Variants in SRD5A2 observed in about 807,000 individuals in gnomAD.
The protein encoded by SRD5A2 is steroid 5 alpha-reductase 2, also known as 3-oxo-5-alpha-steroid 4-dehydrogenase 2.
A neutral mutation model predicts 27.4 loss-of-function variants in SRD5A2; 30 were observed. That is an observed-to-expected ratio of 1.10 (90% confidence interval 0.82 to 1.49). The LOEUF (loss-of-function observed/expected upper bound fraction) is 1.49, where lower values mean the gene tolerates loss of function less well. Ranked by LOEUF, SRD5A2 falls within the 40% of genes most tolerant of loss-of-function variation. The pLI, the probability that SRD5A2 is intolerant of heterozygous loss-of-function variation, is 0.00. For missense variants in SRD5A2, 348 were observed against 323.4 expected, an observed-to-expected ratio of 1.08 and a Z score of -0.58; for synonymous variants, 141 against 133.6, an observed-to-expected ratio of 1.06 and a Z score of -0.38.
At chr2:31,625,459 G>T in the SRD5A2 span, among the ~76,000 whole-genome samples, 1 of 152,172 alleles carries the variant, frequency 6.6e-6, no homozygotes, top group Non-Finnish European at 1.5e-5. Flanking sequence ...GAATGGTATT[G>T]CCTAGGTTTT....
At chr2:31,614,485 G>A in the SRD5A2 span, among the ~76,000 whole-genome samples, 4 of 152,230 alleles carry the variant, frequency 2.6e-5, no homozygotes, top group Non-Finnish European at 4.4e-5. Context: ...TCACAGGCTG[G>A]CATTGAGTGT....
intron 2 of SRD5A2, among the ~76,000 whole-genome samples, chr2:31,533,036 T>C (rs1172842355): frequency 6.6e-6 from 1 of 152,172 alleles, no homozygotes; most frequent in Non-Finnish European, 1.5e-5. Flanking sequence ...CACAAATTCG[T>C]ACACTTTCTT....
At chr2:31,648,236 A>C in the SRD5A2 span, among the ~76,000 whole-genome samples, 1 of 152,216 alleles carries the variant, frequency 6.6e-6, no homozygotes, top group East Asian at 1.9e-4. Context: ...AAAATGCCAA[A>C]ATTTCAAAAG....
In SRD5A2 at chr2:31,561,797, A is replaced by T. The variant is rs183059139; in HGVS notation, c.281+18823T>A. 6.5e-3 allele frequency among the ~76,000 whole-genome samples: 992 copies of T among 152,272 alleles called. 14 individuals are homozygous for T. The highest frequency in any genetic ancestry group is 0.022 in the African/African-American group (931 of 41,540). On this transcript the variant is annotated intron_variant, in intron 1 of 4. Coordinates refer to ENST00000622030, the MANE Select transcript of SRD5A2 (RefSeq NM_000348.4). Reference sequence around the variant, plus strand: ...TGCTACTGACCACTGGCTCCATTTTAAAAAAATTTTTAATACCCCAGAAGA... The same window carrying T: ...TGCTACTGACCACTGGCTCCATTTTTAAAAAATTTTTAATACCCCAGAAGA...
In SRD5A2 at chr2:31,522,634, C is replaced by T. The variant is rs1384492303; in HGVS notation, c.*3562G>A. 4.6e-6 allele frequency: 1 copy of T among 217,226 alleles called. No individual in the cohort carries two copies. The highest frequency in any genetic ancestry group is 6.8e-5 in the East Asian group (1 of 14,678). 13.5% of individuals were successfully genotyped at this position (217,226 alleles called of 1,614,324 possible). ...GTACAAAGAATAAACAAATGTCTTACTTAGAAATTAAATCCACTCGATGGC... is the reference window on the plus strand; with the variant it reads ...GTACAAAGAATAAACAAATGTCTTATTTAGAAATTAAATCCACTCGATGGC... On this transcript the variant is annotated 3_prime_UTR_variant, in exon 5 of 5. Coordinates refer to ENST00000622030, the MANE Select transcript of SRD5A2 (RefSeq NM_000348.4).
At chr2:31,642,217 T>C in the SRD5A2 span, among the ~76,000 whole-genome samples, 1 of 152,088 alleles carries the variant, frequency 6.6e-6, no homozygotes, top group East Asian at 1.9e-4. Flanking sequence ...TTTTTACCTA[T>C]AATTCACAGC....
chr2:31,631,342 T>C, the SRD5A2 span, among the ~76,000 whole-genome samples: 9 of 152,188 alleles, frequency 5.9e-5, no homozygotes, highest in South Asian at 1.7e-3. Flanking sequence ...GCATAACTAA[T>C]CCGATAAGCA....
chr2:31,553,869 G>A (rs1666432197), intron 1 of SRD5A2, among the ~76,000 whole-genome samples: 1 of 152,144 alleles, frequency 6.6e-6, no homozygotes, highest in African/African-American at 2.4e-5. Context: ...AGCTCCCTGT[G>A]GCTGCTGTAA....
chr2:31,577,114 A>G (rs1164849553), intron 1 of SRD5A2, among the ~76,000 whole-genome samples: 1 of 69,308 alleles, frequency 1.4e-5, no homozygotes, highest in African/African-American at 5.9e-5. Context: ...AACCTGCACA[A>G]TGTGCACATG....
At chr2:31,604,074 A>T in the SRD5A2 span, among the ~76,000 whole-genome samples, 1 of 151,838 alleles carries the variant, frequency 6.6e-6, no homozygotes, top group Non-Finnish European at 1.5e-5. Context: ...ATTTTTAAAA[A>T]GTCAATGTTT....
intron 4 of SRD5A2, among the ~76,000 whole-genome samples, chr2:31,528,534 G>A (rs1013224308): frequency 1.3e-5 from 2 of 152,168 alleles, no homozygotes; most frequent in Non-Finnish European, 2.9e-5. Context: ...TTGGGAGGCC[G>A]AGGCAGGCAG....
the SRD5A2 span, among the ~76,000 whole-genome samples, chr2:31,635,442 G>A: frequency 6.6e-6 from 1 of 151,714 alleles, no homozygotes; most frequent in Non-Finnish European, 1.5e-5. Context: ...ATATATTCTT[G>A]TTATTAATCC....
chr2:31,629,456 C>T, the SRD5A2 span, among the ~76,000 whole-genome samples: 16 of 152,128 alleles, frequency 1.1e-4, no homozygotes, highest in Admixed American at 7.2e-4. Flanking sequence ...TCCTATCCTT[C>T]CTTAGAATTG....
the SRD5A2 span, among the ~76,000 whole-genome samples, chr2:31,630,840 C>G: frequency 2.0e-5 from 3 of 152,138 alleles, no homozygotes; most frequent in African/African-American, 7.2e-5. Flanking sequence ...ATCTTAATTA[C>G]CATACAAAGG....
chr2:31,600,499 T>C, the SRD5A2 span, among the ~76,000 whole-genome samples: 1 of 152,018 alleles, frequency 6.6e-6, no homozygotes, highest in Non-Finnish European at 1.5e-5. Context: ...CCAGCATCTG[T>C]TATTTTTTGA....
intron 1 of SRD5A2, among the ~76,000 whole-genome samples, chr2:31,547,794 A>G (rs1185404448): frequency 2.0e-5 from 3 of 152,194 alleles, no homozygotes; most frequent in Non-Finnish European, 2.9e-5. Context: ...GAAACTTCTC[A>G]GCCTACATAA....
At chr2:31,610,784 TAA>T in the SRD5A2 span, among the ~76,000 whole-genome samples, 554 of 152,290 alleles carry the variant, frequency 3.6e-3, 4 homozygotes, top group African/African-American at 0.013. Flanking sequence ...ACAAATTCAA[TAA>T]AGTTTCAGAT....
chr2:31,644,605 T>C, the SRD5A2 span, among the ~76,000 whole-genome samples: 1 of 152,208 alleles, frequency 6.6e-6, no homozygotes, highest in Non-Finnish European at 1.5e-5. Flanking sequence ...TGATGCTCTC[T>C]GGCCTGCGGC....
the SRD5A2 span, among the ~76,000 whole-genome samples, chr2:31,599,214 G>T: frequency 2.0e-5 from 3 of 151,924 alleles, no homozygotes; most frequent in African/African-American, 7.2e-5. Context: ...ATAATAGCTG[G>T]AGACTTTAGC....
Sources: gnomAD v4.1 joint callset for allele counts (sites outside exome capture counted in the v4.1 genomes callset) on GRCh38, gnomAD v4.1.1 for gene constraint, MANE v1.5 for transcripts, NCBI Gene and HGNC (gene_info 2026-07-23, HGNC 2026-07-21) for gene names.